The following SYNJ2BP variants were observed in gnomAD, a reference collection of about 807,000 sequenced individuals.
The protein encoded by SYNJ2BP is synaptojanin-2-binding protein.
SYNJ2BP carries 10 observed loss-of-function variants against 16.9 expected under a neutral mutation model. That is an observed-to-expected ratio of 0.59 (90% CI 0.36 to 1.00). The LOEUF is 1.00. Ranked by LOEUF, SYNJ2BP falls within the 50% of genes least tolerant of loss-of-function variation. SYNJ2BP has a pLI of 0.01. For synonymous variants in SYNJ2BP, 54 were observed against 68.4 expected, an observed-to-expected ratio of 0.79 and a Z score of 1.04; for missense variants, 162 against 186.7, an observed-to-expected ratio of 0.87 and a Z score of 0.77.
chr14:70,399,174 C>T (rs1594955231), intron 1 of SYNJ2BP, among the ~76,000 whole-genome samples: 1 of 152,290 alleles, frequency 6.6e-6, no homozygotes, highest in Middle Eastern at 3.4e-3. Flanking sequence ...CAACGTGCGG[C>T]CCCAGCTCTG....
intron 1 of SYNJ2BP, among the ~76,000 whole-genome samples, chr14:70,411,021 G>C (rs555722538): frequency 6.6e-6 from 1 of 152,000 alleles, no homozygotes; most frequent in South Asian, 2.1e-4. Context: ...TTAAATGAAA[G>C]AAAATAAGAA....
chr14:70,377,920 T>C (rs1371508152), intron 2 of SYNJ2BP, among the ~76,000 whole-genome samples: 1 of 152,222 alleles, frequency 6.6e-6, no homozygotes, highest in African/African-American at 2.4e-5. Flanking sequence ...ACTACCTCTA[T>C]TTCTTCAGCA....
At chr14:70,409,271 A>G (rs917767344) in intron 1 of SYNJ2BP, among the ~76,000 whole-genome samples, 2 of 152,220 alleles carry the variant, frequency 1.3e-5, no homozygotes, top group Admixed American at 1.3e-4. Flanking sequence ...TCTAGTGTCC[A>G]TGATTCCTAA....
intron 1 of SYNJ2BP, among the ~76,000 whole-genome samples, chr14:70,415,841 T>C (rs1888594352): frequency 6.6e-6 from 1 of 152,206 alleles, no homozygotes; most frequent in African/African-American, 2.4e-5. Flanking sequence ...TATTTATCCA[T>C]TAACAGTAAC....
intron 2 of SYNJ2BP, among the ~76,000 whole-genome samples, chr14:70,386,023 C>G (rs1250230311): frequency 1.3e-5 from 2 of 152,166 alleles, no homozygotes; most frequent in South Asian, 2.1e-4. Context: ...CAATAATCTA[C>G]GTTTAACCAA....
At position 70,389,686 on chromosome 14, in the gene SYNJ2BP, C is replaced by A. The variant is rs192684614; in HGVS notation, c.65-1080G>T. ...TGCTTCAATGAGCATTTCCTTTGAA[C>A]GTCATGTTGGCCCTTAAAAAATTTT... On this transcript the variant is annotated intron_variant, in intron 1 of 3. Coordinates refer to ENST00000256366, the MANE Select transcript of SYNJ2BP (RefSeq NM_018373.3). Among the ~76,000 whole-genome samples, 41 of 152,210 alleles carry A rather than the reference C, an allele frequency of 2.7e-4. 1 individual carries two copies. The East Asian group carries it at 7.3e-3, about 27-fold the overall frequency.
chr14:70,406,754 T>C (rs1888353227), intron 1 of SYNJ2BP, among the ~76,000 whole-genome samples: 1 of 152,154 alleles, frequency 6.6e-6, no homozygotes, highest in African/African-American at 2.4e-5. Context: ...CAACTCCCCA[T>C]GATTTCTTCT....
Position 70,366,728 on chromosome 14 carries a change from T to C in SYNJ2BP, c.*6263A>G, listed in dbSNP as rs1012585498. On this transcript the variant is annotated 3_prime_UTR_variant, in exon 4 of 4. Coordinates refer to ENST00000256366, the MANE Select transcript of SYNJ2BP (RefSeq NM_018373.3). ...CTTCCAAGTTGCTACAGGGCTCTATTTGATCTGAGAAACTGACTGCTGTTT... is the reference window on the plus strand; with the variant it reads ...CTTCCAAGTTGCTACAGGGCTCTATCTGATCTGAGAAACTGACTGCTGTTT... 6.6e-6 allele frequency: 1 copy of C among 152,220 alleles called. No individual in the cohort carries two copies. The highest frequency in any genetic ancestry group is 1.5e-5 in the Non-Finnish European group (1 of 68,032). 9.4% of individuals were successfully genotyped at this position (152,220 alleles called of 1,614,324 possible).
chr14:70,408,059 G>T (rs1888386603), intron 1 of SYNJ2BP, among the ~76,000 whole-genome samples: 1 of 151,240 alleles, frequency 6.6e-6, no homozygotes, highest in Non-Finnish European at 1.5e-5. Context: ...CAGTTCTAGG[G>T]AAATCTCACA....
Position 70,416,976 on chromosome 14 carries a change from G to T in SYNJ2BP, c.-13C>A. On this transcript the variant is annotated 5_prime_UTR_variant, in exon 1 of 4. Coordinates refer to ENST00000256366, the MANE Select transcript of SYNJ2BP (RefSeq NM_018373.3). ...CTCTTCCGTTCATGTTTTACAGCTC[G>T]TCTGGCTTCCTACTTGGGTCAGCTG... 3.1e-6 allele frequency: 5 copies of T among 1,614,082 alleles called. No homozygotes were observed. The highest frequency in any genetic ancestry group is 3.4e-6 in the Non-Finnish European group (4 of 1,180,012).
rs1274663672 is a variant in SYNJ2BP at position 70,370,512 on chromosome 14, A to T, written c.*2479T>A. 6.6e-6 allele frequency: 1 copy of T among 152,202 alleles called. No homozygotes were observed. The highest frequency in any genetic ancestry group is 1.5e-5 in the Non-Finnish European group (1 of 68,052). The allele number at this position is 152,202 out of a possible 1,614,324, so 9.4% of individuals were successfully genotyped here. A position where few individuals can be genotyped will look rare whatever the true frequency, so the allele number is the denominator to read the frequency against. On this transcript the variant is annotated 3_prime_UTR_variant, in exon 4 of 4. Coordinates refer to ENST00000256366, the MANE Select transcript of SYNJ2BP (RefSeq NM_018373.3). ...ACTTTATGTCAGGACTGTTTAAAGC[A>T]AGTTTCTCCCTATACCAGTAGTGAC...
At chr14:70,381,896 T>C (rs759471493) in intron 2 of SYNJ2BP, among the ~76,000 whole-genome samples, 4 of 152,238 alleles carry the variant, frequency 2.6e-5, no homozygotes, top group Non-Finnish European at 5.9e-5. Context: ...TTCCATTCAC[T>C]GGAGTAGTAA....
chr14:70,403,650 G>A (rs937000207), intron 1 of SYNJ2BP, among the ~76,000 whole-genome samples: 1 of 152,200 alleles, frequency 6.6e-6, no homozygotes, highest in African/African-American at 2.4e-5. Flanking sequence ...AAAAAGGGGA[G>A]GCATAAATAA....
chr14:70,401,037 TA>T (rs1888224316), intron 1 of SYNJ2BP, among the ~76,000 whole-genome samples: 1 of 152,210 alleles, frequency 6.6e-6, no homozygotes, highest in Non-Finnish European at 1.5e-5. Flanking sequence ...GCATGACTTA[TA>T]TATAACACTT....
intron 3 of SYNJ2BP, 81 bp from the exon 4 acceptor site, chr14:70,373,212 G>A (rs2140804499): frequency 6.4e-7 from 1 of 1,567,932 alleles, no homozygotes; most frequent in East Asian, 2.2e-5. Context: ...CATCACCTGG[G>A]TTTGTAGACT....
At chr14:70,416,772 C>G (rs1888619552) in intron 1 of SYNJ2BP, 128 bp downstream of exon 1, 1 of 1,366,020 alleles carries the variant, frequency 7.3e-7, no homozygotes, top group Non-Finnish European at 1.0e-6. Flanking sequence ...CACCCCGAAG[C>G]GTTGCACGAA....
intron 1 of SYNJ2BP, among the ~76,000 whole-genome samples, chr14:70,393,757 A>T (rs1888028064): frequency 6.6e-6 from 1 of 151,932 alleles, no homozygotes; most frequent in Non-Finnish European, 1.5e-5. Flanking sequence ...GAACAATGAG[A>T]ACACATGGAC....
chr14:70,416,335 T>TA (rs1478551041), intron 1 of SYNJ2BP, among the ~76,000 whole-genome samples: 1 of 124,010 alleles, frequency 8.1e-6, no homozygotes, highest in Non-Finnish European at 1.7e-5. Flanking sequence ...TTTTTTTTTT[T>TA]AAAGCCCTGG....
chr14:70,383,417 T>C (rs1381578606), intron 2 of SYNJ2BP, among the ~76,000 whole-genome samples: 1 of 152,184 alleles, frequency 6.6e-6, no homozygotes. Flanking sequence ...AGTACAATAG[T>C]TGATAAATGT....
Sources: allele counts gnomAD v4.1 joint callset (sites outside exome capture counted in the v4.1 genomes callset), GRCh38; gene constraint gnomAD v4.1.1; transcripts MANE v1.5; gene names NCBI Gene and HGNC (gene_info 2026-07-23, HGNC 2026-07-21).